Variants in PPM1H observed in about 807,000 individuals in gnomAD.
PPM1H encodes the protein protein phosphatase 1H.
Under a neutral mutation model 54.9 loss-of-function variants are expected in PPM1H, and 27 were observed. The ratio of observed to expected loss-of-function variants is 0.49; its 90% CI spans 0.36 to 0.68. PPM1H has a LOEUF of 0.68. PPM1H is among the 30% of genes least tolerant of loss of function. PPM1H has a pLI of 0.00. For missense variants in PPM1H, 596 were observed against 667.8 expected (o/e 0.89, Z 1.19); for synonymous variants, 305 against 270.8 (o/e 1.13, Z -1.24).
At chr12:62,889,601 C>T (rs903722686) in intron 1 of PPM1H, among the ~76,000 whole-genome samples, 4 of 152,248 alleles carry the variant, frequency 2.6e-5, no homozygotes, top group East Asian at 1.9e-4. Context: ...GAACAGAAGA[C>T]AGAGCCCAGA....
rs371871033 is a variant in PPM1H, at chr12:62,831,707, A to ATG, written c.411+405_411+406dup. 4.8e-3 allele frequency among the ~76,000 whole-genome samples: 563 copies of ATG among 117,138 alleles called. 1 individual carries two copies. The highest frequency in any genetic ancestry group is 7.1e-3 in the East Asian group (28 of 3,940). 76.8% of individuals were successfully genotyped at this position (117,138 alleles called of 152,430 possible). On this transcript the variant is annotated intron_variant, in intron 2 of 9. Coordinates refer to ENST00000228705, the MANE Select transcript of PPM1H (RefSeq NM_020700.2). ...TGAAACCGTCAAACATTGTGTGTGT[A>ATG]TGTGTGTGTGTGTGTGTGTGTGAGT...
chr12:62,739,077 A>G (rs967267320), intron 4 of PPM1H, among the ~76,000 whole-genome samples: 7 of 149,826 alleles, frequency 4.7e-5, no homozygotes, highest in African/African-American at 1.5e-4. Context: ...TTATGACTCT[A>G]GGAAAAAAAA....
Position 62,915,762 on chromosome 12 carries a change from C to A in PPM1H, c.245+18730G>T, listed in dbSNP as rs544107552. ...CAGTCAAATGTTACCAGCACCCACTCTTTCTGTAAGAAGGAAGAACCATTG... is the reference window on the plus strand; with the variant it reads ...CAGTCAAATGTTACCAGCACCCACTATTTCTGTAAGAAGGAAGAACCATTG... On this transcript the variant is annotated intron_variant, in intron 1 of 9. Coordinates refer to ENST00000228705, the MANE Select transcript of PPM1H (RefSeq NM_020700.2). Among the ~76,000 whole-genome samples, 40 of 152,356 alleles carry A rather than the reference C, an allele frequency of 2.6e-4. No homozygotes were observed. The South Asian group carries it at 8.1e-3, about 31-fold the overall frequency.
At chr12:62,824,870 G>A (rs1194464661) in intron 2 of PPM1H, among the ~76,000 whole-genome samples, 2 of 152,062 alleles carry the variant, frequency 1.3e-5, no homozygotes, top group African/African-American at 4.8e-5. Flanking sequence ...AACACCAAAA[G>A]CAATGGCAAC....
At chr12:62,796,215 TC>T (rs2076733351) in intron 3 of PPM1H, among the ~76,000 whole-genome samples, 1 of 152,264 alleles carries the variant, frequency 6.6e-6, no homozygotes, top group Non-Finnish European at 1.5e-5. Context: ...GTGAGAGTTT[TC>T]CCCCACATAA....
chr12:62,898,482 A>T (rs17098524), intron 1 of PPM1H, among the ~76,000 whole-genome samples: 1,902 of 152,316 alleles, frequency 0.012, 52 homozygotes, highest in African/African-American at 0.043. Flanking sequence ...AAATTTACCA[A>T]ATGTTATAAA....
At position 62,858,485 on chromosome 12, in the gene PPM1H, T is replaced by G. The variant is rs143634851; in HGVS notation, c.246-26206A>C. 6.4e-3 allele frequency among the ~76,000 whole-genome samples: 968 copies of G among 152,220 alleles called. 17 individuals are homozygous for G. Among genetic ancestry groups the G allele is most frequent in the African/African-American group, 0.022 (915 of 41,542 alleles). On this transcript the variant is annotated intron_variant, in intron 1 of 9. Coordinates refer to ENST00000228705, the MANE Select transcript of PPM1H (RefSeq NM_020700.2). ...TTGTTGTTTTTTTCATAAATAACTC[T>G]ACAGGTTTCCTAAAAGTTTGCTTTT...
chr12:62,927,024 T>A (rs752600859), intron 1 of PPM1H, among the ~76,000 whole-genome samples: 11 of 152,224 alleles, frequency 7.2e-5, no homozygotes, highest in Non-Finnish European at 1.3e-4. Context: ...AGTATATACA[T>A]CTGTTTATTC....
In PPM1H at chr12:62,743,609, C is replaced by T. The variant is rs533654254; in HGVS notation, c.870-6023G>A. Among the ~76,000 whole-genome samples, 3 of 152,114 alleles carry T rather than the reference C, an allele frequency of 2.0e-5. No individual in the cohort carries two copies. The East Asian group carries it at 5.8e-4, about 29-fold the overall frequency. On this transcript the variant is annotated intron_variant, in intron 4 of 9. Transcript: ENST00000228705. The stretch of plus-strand genomic sequence containing the variant: ...CACTTCGAATATTAACTTGATTTTA[C>T]AATTTTTCTTAAAGGGATCATATTA...
At chr12:62,651,493 A>G (rs1380139807) in intron 9 of PPM1H, among the ~76,000 whole-genome samples, 1 of 152,218 alleles carries the variant, frequency 6.6e-6, no homozygotes, top group African/African-American at 2.4e-5. Flanking sequence ...TAAATGGTCA[A>G]AATTAGCTTG....
At chr12:62,750,134 A>T (rs1469381210) in intron 4 of PPM1H, among the ~76,000 whole-genome samples, 1 of 152,184 alleles carries the variant, frequency 6.6e-6, no homozygotes, top group Admixed American at 6.5e-5. Flanking sequence ...GCATACCATA[A>T]AATATACCCT....
At chr12:62,788,526 A>T (rs749520786) in intron 3 of PPM1H, 188 bp from the exon 4 acceptor site, 2 of 483,788 alleles carry the variant, frequency 4.1e-6, no homozygotes, top group Non-Finnish European at 7.4e-6. Flanking sequence ...AAACTGCCAC[A>T]TATTAGACCA....
chr12:62,757,952 G>T (rs886296897), intron 4 of PPM1H, among the ~76,000 whole-genome samples: 1 of 152,182 alleles, frequency 6.6e-6, no homozygotes, highest in African/African-American at 2.4e-5. Context: ...CCAGCCTGGT[G>T]CAATTTAGGA....
intron 1 of PPM1H, among the ~76,000 whole-genome samples, chr12:62,897,972 G>A (rs1018038163): frequency 6.6e-5 from 10 of 152,114 alleles, no homozygotes; most frequent in African/African-American, 2.4e-4. Flanking sequence ...CAGCAGGAAG[G>A]ACTGGACAAA....
chr12:62,709,608 A>G (rs746582666), intron 6 of PPM1H, among the ~76,000 whole-genome samples: 1 of 152,018 alleles, frequency 6.6e-6, no homozygotes, highest in Non-Finnish European at 1.5e-5. Context: ...TCCCCTCTCA[A>G]AACAACTACT....
At chr12:62,782,037 T>G (rs1037272266) in intron 4 of PPM1H, among the ~76,000 whole-genome samples, 2 of 152,314 alleles carry the variant, frequency 1.3e-5, no homozygotes, top group Non-Finnish European at 2.9e-5. Context: ...TCTGTTATTT[T>G]TCAAATACAT....
chr12:62,917,307 C>G (rs1871655338), intron 1 of PPM1H, among the ~76,000 whole-genome samples: 1 of 152,248 alleles, frequency 6.6e-6, no homozygotes, highest in Non-Finnish European at 1.5e-5. Flanking sequence ...TGTAGATGTC[C>G]TCAGGTCACC....
chr12:62,661,377 A>T (rs1018953187), intron 9 of PPM1H, among the ~76,000 whole-genome samples: 1 of 152,160 alleles, frequency 6.6e-6, no homozygotes, highest in Non-Finnish European at 1.5e-5. Context: ...TTTGTTAAGA[A>T]GAAAACCTTG....
chr12:62,805,674 T>A (rs1371165463), intron 2 of PPM1H, among the ~76,000 whole-genome samples: 1 of 152,076 alleles, frequency 6.6e-6, no homozygotes, highest in East Asian at 1.9e-4. Context: ...GAGAGTCGAA[T>A]GGTGGTTGCC....
Sources: gnomAD v4.1 joint callset for allele counts (sites outside exome capture counted in the v4.1 genomes callset) on GRCh38, gnomAD v4.1.1 for gene constraint, MANE v1.5 for transcripts, NCBI Gene and HGNC (gene_info 2026-07-23, HGNC 2026-07-21) for gene names.